Variants in PPP1R9A observed in about 807,000 individuals in gnomAD.
The protein encoded by PPP1R9A is neurabin-1.
A neutral mutation model predicts 141.9 loss-of-function variants in PPP1R9A; 59 were observed. The ratio of observed to expected loss-of-function variants is 0.42; its 90% CI spans 0.34 to 0.52. PPP1R9A has a LOEUF of 0.52. PPP1R9A is among the 20% of genes least tolerant of loss of function. PPP1R9A has a pLI of 0.10. For synonymous variants in PPP1R9A, 500 were observed against 569.7 expected, an observed-to-expected ratio of 0.88 and a Z score of 1.74; for missense variants, 1,444 against 1,611.9, an observed-to-expected ratio of 0.90 and a Z score of 1.78.
chr7:95,251,929 G>A, intron 11 of PPP1R9A, 30 bp from the exon 12 acceptor site: 1 of 1,607,936 alleles, frequency 6.2e-7, no homozygotes, highest in Non-Finnish European at 8.5e-7. Context: ...CGCTAGTTTA[G>A]AGTTTTATAA....
At chr7:95,257,415 CA>C (rs1799746380) in intron 12 of PPP1R9A, among the ~76,000 whole-genome samples, 1 of 152,078 alleles carries the variant, frequency 6.6e-6, no homozygotes, top group Non-Finnish European at 1.5e-5. Context: ...GATTCTACCT[CA>C]CATTATTCAT....
At chr7:95,147,141 T>C (rs966475111) in intron 4 of PPP1R9A, among the ~76,000 whole-genome samples, 1 of 152,218 alleles carries the variant, frequency 6.6e-6, no homozygotes, top group African/African-American at 2.4e-5. Flanking sequence ...GGAATGTTTT[T>C]CCATTTGTTT....
intron 5 of PPP1R9A, among the ~76,000 whole-genome samples, chr7:95,197,456 C>T (rs1836445500): frequency 6.6e-6 from 1 of 152,000 alleles, no homozygotes; most frequent in African/African-American, 2.4e-5. Context: ...ACAAATATTT[C>T]CTTTCCTCCC....
chr7:94,912,512 A>G (rs1791579682), intron 2 of PPP1R9A, among the ~76,000 whole-genome samples: 1 of 152,186 alleles, frequency 6.6e-6, no homozygotes, highest in East Asian at 1.9e-4. Flanking sequence ...CACAGTGTGT[A>G]TATATGATAG....
intron 2 of PPP1R9A, among the ~76,000 whole-genome samples, chr7:95,106,936 C>T (rs1206597538): frequency 6.6e-6 from 1 of 151,928 alleles, no homozygotes; most frequent in East Asian, 1.9e-4. Context: ...TGCACGCCAC[C>T]ACGCCCAGTT....
intron 3 of PPP1R9A, among the ~76,000 whole-genome samples, chr7:95,112,231 A>C (rs2152448894): frequency 6.6e-6 from 1 of 152,192 alleles, no homozygotes. Context: ...AAAGAAAGAA[A>C]CCCATTAATA....
intron 5 of PPP1R9A, among the ~76,000 whole-genome samples, chr7:95,194,719 C>CAAA (rs372060355): frequency 8.7e-6 from 1 of 114,592 alleles, no homozygotes; most frequent in South Asian, 2.7e-4. Flanking sequence ...CTTACAATAC[C>CAAA]AAAAAAAAAA....
At chr7:95,223,503 T>A (rs1474541272) in intron 7 of PPP1R9A, among the ~76,000 whole-genome samples, 1 of 152,062 alleles carries the variant, frequency 6.6e-6, no homozygotes, top group African/African-American at 2.4e-5. Flanking sequence ...ACCAAGTTAA[T>A]GCGTTGGCAT....
intron 2 of PPP1R9A, among the ~76,000 whole-genome samples, chr7:94,943,915 A>C (rs984626414): frequency 5.9e-5 from 9 of 152,142 alleles, no homozygotes. Flanking sequence ...TTAAAAATAT[A>C]GTCAGTTTTC....
chr7:95,028,065 C>G (rs1317697010), intron 2 of PPP1R9A, among the ~76,000 whole-genome samples: 1 of 152,108 alleles, frequency 6.6e-6, no homozygotes, highest in Non-Finnish European at 1.5e-5. Context: ...CCTCACTTTT[C>G]TCAACCATAA....
At chr7:95,125,142 T>G (rs1288302592) in intron 4 of PPP1R9A, among the ~76,000 whole-genome samples, 1 of 152,130 alleles carries the variant, frequency 6.6e-6, no homozygotes, top group Non-Finnish European at 1.5e-5. Context: ...TGTGCTTTAG[T>G]CACTTTTTAT....
chr7:94,942,854 T>TAAAA (rs1196619112), intron 2 of PPP1R9A, among the ~76,000 whole-genome samples: 4 of 140,972 alleles, frequency 2.8e-5, no homozygotes, highest in Admixed American at 7.1e-5. Context: ...AATAAATAAA[T>TAAAA]AAAAGTTTGC....
chr7:95,179,709 C>T (rs556167391), intron 5 of PPP1R9A, among the ~76,000 whole-genome samples: 1 of 148,344 alleles, frequency 6.7e-6, no homozygotes, highest in Admixed American at 6.9e-5. Flanking sequence ...AAATCACTAT[C>T]TCTTCTATAT....
At chr7:95,265,989 C>T (rs1469211851) in intron 12 of PPP1R9A, among the ~76,000 whole-genome samples, 1 of 152,164 alleles carries the variant, frequency 6.6e-6, no homozygotes, top group African/African-American at 2.4e-5. Context: ...TTGTCTGACA[C>T]AAGCACCAGG....
At chr7:95,190,725 G>C (rs1835378962) in intron 5 of PPP1R9A, among the ~76,000 whole-genome samples, 1 of 152,164 alleles carries the variant, frequency 6.6e-6, no homozygotes, top group South Asian at 2.1e-4. Flanking sequence ...GCAGTGGCTT[G>C]CCACTTCTTT....
chr7:94,968,440 G>T (rs1327110371), intron 2 of PPP1R9A, among the ~76,000 whole-genome samples: 1 of 151,166 alleles, frequency 6.6e-6, no homozygotes, highest in Non-Finnish European at 1.5e-5. Flanking sequence ...CCAAAGTGCT[G>T]GGATTACAGG....
intron 8 of PPP1R9A, among the ~76,000 whole-genome samples, chr7:95,245,658 C>T (rs1287476813): frequency 6.6e-6 from 1 of 152,138 alleles, no homozygotes; most frequent in South Asian, 2.1e-4. Context: ...TGTCTTTACA[C>T]CTTCTTCCAA....
At chr7:95,191,422 T>C (rs1046156501) in intron 5 of PPP1R9A, among the ~76,000 whole-genome samples, 34 of 152,322 alleles carry the variant, frequency 2.2e-4, no homozygotes, top group African/African-American at 7.9e-4. Flanking sequence ...CATATCATGG[T>C]AATTAGCATA....
chr7:95,292,253 C>T lies in PPP1R9A; in HGVS notation c.*1950C>T, dbSNP rs1806473359. ...TTTCACATCATGAGAAATAAGAAGC[C>T]ACTATTAATGAGTGATACAATTTGG... On this transcript the variant is annotated 3_prime_UTR_variant, in exon 20 of 20. Coordinates refer to ENST00000433360, the MANE Select transcript of PPP1R9A (RefSeq NM_001166160.2). 6.6e-6 allele frequency: 1 copy of T among 152,458 alleles called. No individual in the cohort carries two copies. Among genetic ancestry groups the T allele is most frequent in the African/African-American group, 2.4e-5 (1 of 41,392 alleles). 9.4% of individuals were successfully genotyped at this position (152,458 alleles called of 1,614,324 possible).
Sources: allele counts gnomAD v4.1 joint callset (sites outside exome capture counted in the v4.1 genomes callset), GRCh38; gene constraint gnomAD v4.1.1; transcripts MANE v1.5; gene names NCBI Gene and HGNC (gene_info 2026-07-23, HGNC 2026-07-21).